The following ASIC2 variants were observed in gnomAD, a reference collection of about 807,000 sequenced individuals.
ASIC2 encodes the protein acid-sensing ion channel 2.
ASIC2 carries 25 observed loss-of-function variants against 57.3 expected under a neutral mutation model. That is an observed-to-expected ratio of 0.44 (90% CI 0.32 to 0.61). The LOEUF is 0.61. Among genes scored for constraint, ASIC2 ranks in the 20% least tolerant of loss-of-function variants. The probability of loss-of-function intolerance (pLI) is 0.06; values close to 1 mark genes in which losing one functional copy is unlikely to be tolerated. For missense variants in ASIC2, 641 were observed against 738.1 expected, an observed-to-expected ratio of 0.87 and a Z score of 1.52; for synonymous variants, 319 against 307.5, an observed-to-expected ratio of 1.04 and a Z score of -0.39.
At chr17:33,522,945 G>A (rs1273715561) in intron 1 of ASIC2, among the ~76,000 whole-genome samples, 2 of 151,550 alleles carry the variant, frequency 1.3e-5, no homozygotes, top group Admixed American at 6.6e-5. Context: ...CCCACCCACC[G>A]CAAGCCCAAG....
chr17:33,032,960 TCA>T (rs944129962), intron 3 of ASIC2, among the ~76,000 whole-genome samples: 3 of 152,258 alleles, frequency 2.0e-5, no homozygotes, highest in African/African-American at 7.2e-5. Flanking sequence ...GCAAAATTTC[TCA>T]GTTTTCATTT....
intron 1 of ASIC2, among the ~76,000 whole-genome samples, chr17:33,642,268 T>G (rs557780857): frequency 6.8e-6 from 1 of 146,776 alleles, no homozygotes; most frequent in South Asian, 2.3e-4. Context: ...ACAGTGAAAC[T>G]TGGGACTTGC....
intron 1 of ASIC2, among the ~76,000 whole-genome samples, chr17:33,353,065 A>C (rs1298717061): frequency 6.6e-6 from 1 of 152,142 alleles, no homozygotes; most frequent in Non-Finnish European, 1.5e-5. Flanking sequence ...TTGCATTCCC[A>C]GAGCCCAGCA....
intron 1 of ASIC2, among the ~76,000 whole-genome samples, chr17:33,114,096 A>G (rs1305134881): frequency 1.3e-5 from 2 of 152,196 alleles, no homozygotes; most frequent in Non-Finnish European, 2.9e-5. Context: ...TGAAACATCT[A>G]TGTTTTTCCT....
At chr17:33,942,310 C>T (rs1399070372) in intron 1 of ASIC2, among the ~76,000 whole-genome samples, 1 of 152,120 alleles carries the variant, frequency 6.6e-6, no homozygotes, top group Non-Finnish European at 1.5e-5. Context: ...GGAACTCAAC[C>T]CCTCCTAGGC....
At chr17:33,598,314 A>G (rs1218274068) in intron 1 of ASIC2, among the ~76,000 whole-genome samples, 1 of 152,162 alleles carries the variant, frequency 6.6e-6, no homozygotes, top group African/African-American at 2.4e-5. Flanking sequence ...ACCCTGACTG[A>G]TGGCACTGGA....
intron 7 of ASIC2, among the ~76,000 whole-genome samples, chr17:33,019,466 T>C (rs1010376497): frequency 6.6e-6 from 1 of 151,960 alleles, no homozygotes; most frequent in Non-Finnish European, 1.5e-5. Flanking sequence ...TGTGTGGTCC[T>C]GGACCACCGT....
At chr17:34,012,421 C>T (rs1906803401) in intron 1 of ASIC2, among the ~76,000 whole-genome samples, 2 of 152,300 alleles carry the variant, frequency 1.3e-5, no homozygotes, top group South Asian at 2.1e-4. Context: ...TATTTTTACT[C>T]GAACATTTTC....
intron 1 of ASIC2, among the ~76,000 whole-genome samples, chr17:33,464,486 TTC>T (rs1223240694): frequency 2.6e-5 from 1 of 38,240 alleles, no homozygotes; most frequent in African/African-American, 1.2e-4. Context: ...TTTTCTCTCT[TTC>T]TTTCTTTCTT....
chr17:33,644,205 T>C (rs567232687), intron 1 of ASIC2, among the ~76,000 whole-genome samples: 1 of 152,342 alleles, frequency 6.6e-6, no homozygotes, highest in East Asian at 1.9e-4. Context: ...TCTTATATTT[T>C]ATGTGTTAAC....
At chr17:33,302,721 A>G (rs1906010578) in intron 1 of ASIC2, among the ~76,000 whole-genome samples, 1 of 152,198 alleles carries the variant, frequency 6.6e-6, no homozygotes. Flanking sequence ...AAGAGTTAAT[A>G]TATTCTTCTG....
chr17:34,039,919 G>T (rs938014625), intron 1 of ASIC2: 1 of 1,527,134 alleles, frequency 6.5e-7, no homozygotes, highest in African/African-American at 1.4e-5. Context: ...CTCCCTGGAG[G>T]GACCCCGACC....
chr17:33,589,072 G>T (rs192724524), intron 1 of ASIC2, among the ~76,000 whole-genome samples: 97 of 152,280 alleles, frequency 6.4e-4, no homozygotes, highest in Admixed American at 1.3e-3. Context: ...TTTTAAGCAT[G>T]CCACGTATAT....
intron 1 of ASIC2, among the ~76,000 whole-genome samples, chr17:33,521,117 G>A (rs779285941): frequency 2.0e-5 from 3 of 152,104 alleles, no homozygotes; most frequent in South Asian, 2.1e-4. Context: ...GTCTCGTGGC[G>A]AACTGGCAGA....
At chr17:33,977,984 G>A (rs973026354) in intron 1 of ASIC2, among the ~76,000 whole-genome samples, 2 of 152,176 alleles carry the variant, frequency 1.3e-5, no homozygotes, top group Admixed American at 6.5e-5. Context: ...TGGAGGTCCC[G>A]GGCCATGGTT....
intron 1 of ASIC2, chr17:33,936,749 C>T (rs1916072758): frequency 6.6e-6 from 1 of 152,384 alleles, no homozygotes; most frequent in South Asian, 2.1e-4. Context: ...CCCTGGGCCT[C>T]GTTTCCTCCA....
chr17:33,331,667 C>T (rs1472793653), intron 1 of ASIC2, among the ~76,000 whole-genome samples: 1 of 152,172 alleles, frequency 6.6e-6, no homozygotes, highest in Non-Finnish European at 1.5e-5. Flanking sequence ...AAGCCAAACC[C>T]ATATGTTAAA....
chr17:34,155,357 C>T (rs739759), intron 1 of ASIC2, among the ~76,000 whole-genome samples: 27,300 of 151,924 alleles, frequency 0.18, 3,044 homozygotes, highest in East Asian at 0.34. Context: ...CTGGGGTGCC[C>T]GGCCTCTCCT....
chr17:33,619,456 A>T (rs1597809521), intron 1 of ASIC2, among the ~76,000 whole-genome samples: 1 of 152,320 alleles, frequency 6.6e-6, no homozygotes, highest in Admixed American at 6.5e-5. Flanking sequence ...GGCTGCTTTG[A>T]TTGTAATAGA....
Sources: allele counts gnomAD v4.1 joint callset (sites outside exome capture counted in the v4.1 genomes callset), GRCh38; gene constraint gnomAD v4.1.1; transcripts MANE v1.5; gene names NCBI Gene and HGNC (gene_info 2026-07-23, HGNC 2026-07-21).